The following KYAT3 variants were observed in gnomAD, a reference collection of about 807,000 sequenced individuals.
KYAT3 encodes the protein kynurenine--oxoglutarate transaminase 3.
In KYAT3, 50 loss-of-function variants were observed where a neutral mutation model predicts 59.0. The observed-to-expected ratio is 0.85, with a 90% CI of 0.68 to 1.07. The LOEUF (loss-of-function observed/expected upper bound fraction) is 1.07. Ranked by LOEUF, KYAT3 falls within the 50% of genes least tolerant of loss-of-function variation. The probability of loss-of-function intolerance (pLI) is 0.00; values close to 1 mark genes in which losing one functional copy is unlikely to be tolerated. For synonymous variants in KYAT3, 148 were observed against 177.0 expected, an observed-to-expected ratio of 0.84 and a Z score of 1.30; for missense variants, 497 against 533.3, an observed-to-expected ratio of 0.93 and a Z score of 0.67.
chr1:88,974,469 C>CTTTTT (rs71084932), intron 2 of KYAT3, among the ~76,000 whole-genome samples: 48 of 69,668 alleles, frequency 6.9e-4, no homozygotes, highest in Non-Finnish European at 9.9e-4. Context: ...GTGTCTCTCT[C>CTTTTT]TTTTTTTTTT....
In KYAT3 at chr1:88,949,074, T is replaced by TA. The variant is rs1675562706; in HGVS notation, c.1141+16dup. The TA allele has an allele frequency of 6.6e-7, 1 of 1,507,734 alleles. No individual in the cohort carries two copies. The highest frequency in any genetic ancestry group is 8.8e-7 in the Non-Finnish European group (1 of 1,133,486). 93.4% of individuals were successfully genotyped at this position (1,507,734 alleles called of 1,614,324 possible). On this transcript the variant is annotated intron_variant, in intron 11 of 13. Transcript: ENST00000260508. ...ATAAGTTTCCGTATAGTTGAAATAA[T>TA]AAAAGCCTTTACAAACCTAGCAAAG... is the stretch of plus-strand genomic sequence containing the variant.
chr1:88,925,392 C>T, the KYAT3 span, among the ~76,000 whole-genome samples: 1 of 152,206 alleles, frequency 6.6e-6, no homozygotes, highest in African/African-American at 2.4e-5. Flanking sequence ...AATCTGCTTC[C>T]TCTGATCCCT....
rs370547048 is a variant in KYAT3, at chr1:88,937,009, T to C, written c.1303-764A>G. ...AGCAGGCTGGTCAGCATGGGTGTCA[T>C]GAGGTGATAGTGCTGGCTGGAACAG... On this transcript the variant is annotated intron_variant, in intron 13 of 13. Transcript: ENST00000260508. 1.3e-4 allele frequency among the ~76,000 whole-genome samples: 20 copies of C among 152,158 alleles called. No homozygotes were observed. In the South Asian group the frequency reaches 4.2e-3, roughly 32 times the overall value.
chr1:88,983,073 G>A (rs374309282), intron 2 of KYAT3: 25 of 1,612,318 alleles, frequency 1.6e-5, no homozygotes, highest in African/African-American at 1.3e-4. Flanking sequence ...TAGTCATCAC[G>A]TGAACTGGAA....
At chr1:88,940,784 T>C (rs967589109) in intron 13 of KYAT3, among the ~76,000 whole-genome samples, 1 of 152,220 alleles carries the variant, frequency 6.6e-6, no homozygotes, top group Non-Finnish European at 1.5e-5. Flanking sequence ...CCAGATGACA[T>C]GACTGTATGT....
chr1:88,958,118 C>T (rs1001365134), intron 8 of KYAT3, among the ~76,000 whole-genome samples: 1 of 152,094 alleles, frequency 6.6e-6, no homozygotes, highest in African/African-American at 2.4e-5. Context: ...TCCACTTGTC[C>T]CCAGATATCT....
chr1:88,985,864 A>G (rs931384122), intron 2 of KYAT3, among the ~76,000 whole-genome samples: 4 of 152,196 alleles, frequency 2.6e-5, no homozygotes, highest in Non-Finnish European at 2.9e-5. Context: ...CTAAATGTAC[A>G]AAAGGTGATA....
At chr1:88,992,353 G>C (rs1437299909) in intron 1 of KYAT3, among the ~76,000 whole-genome samples, 1 of 152,222 alleles carries the variant, frequency 6.6e-6, no homozygotes, top group Non-Finnish European at 1.5e-5. Context: ...GAGTAAAAGC[G>C]CCAAGACGGT....
chr1:88,922,796 G>T, the KYAT3 span, among the ~76,000 whole-genome samples: 3 of 152,244 alleles, frequency 2.0e-5, no homozygotes, highest in East Asian at 3.9e-4. Context: ...GTATGGAATT[G>T]ACCTCAAATT....
At chr1:88,988,532 C>A (rs1570856143) in intron 1 of KYAT3, among the ~76,000 whole-genome samples, 181 bp from the exon 2 acceptor site, 2 of 152,260 alleles carry the variant, frequency 1.3e-5, no homozygotes, top group South Asian at 4.1e-4. Flanking sequence ...TCACTGGAGG[C>A]ATTCTAATAA....
intron 2 of KYAT3, among the ~76,000 whole-genome samples, chr1:88,977,663 A>G (rs1252966454): frequency 6.6e-6 from 1 of 152,238 alleles, no homozygotes; most frequent in East Asian, 1.9e-4. Context: ...TAAATTTAGT[A>G]TAGCATAAGT....
At chr1:88,945,692 A>G (rs1223770258) in intron 11 of KYAT3, among the ~76,000 whole-genome samples, 1 of 152,188 alleles carries the variant, frequency 6.6e-6, no homozygotes, top group East Asian at 1.9e-4. Flanking sequence ...ATTTTCATGA[A>G]TATTATGGTT....
chr1:88,981,292 C>T (rs533600538), intron 2 of KYAT3: 1 of 152,312 alleles, frequency 6.6e-6, no homozygotes, highest in African/African-American at 2.4e-5. Context: ...GACACTTCAC[C>T]AGATAGAGCT....
chr1:88,977,231 C>T (rs577172135), intron 2 of KYAT3, among the ~76,000 whole-genome samples: 3 of 151,708 alleles, frequency 2.0e-5, no homozygotes, highest in East Asian at 1.9e-4. Context: ...GACGACGTTT[C>T]GCTCTTGTTG....
intron 8 of KYAT3, among the ~76,000 whole-genome samples, chr1:88,956,150 G>A (rs1299486891): frequency 6.6e-6 from 1 of 152,132 alleles, no homozygotes; most frequent in African/African-American, 2.4e-5. Flanking sequence ...ATACTAGACA[G>A]CACTTCAGCA....
chr1:88,992,392 A>T (rs1677860151), intron 1 of KYAT3, among the ~76,000 whole-genome samples, 193 bp downstream of exon 1: 1 of 152,230 alleles, frequency 6.6e-6, no homozygotes, highest in African/African-American at 2.4e-5. Context: ...TCCCCCCTGG[A>T]GGCCAGTCAC....
chr1:88,925,282 C>T, the KYAT3 span, among the ~76,000 whole-genome samples: 2 of 152,220 alleles, frequency 1.3e-5, no homozygotes, highest in African/African-American at 2.4e-5. Flanking sequence ...TCTCTACAGT[C>T]GCCCATGCGT....
intron 13 of KYAT3, among the ~76,000 whole-genome samples, chr1:88,938,881 C>A (rs1029393817): frequency 1.3e-5 from 2 of 152,182 alleles, no homozygotes; most frequent in Non-Finnish European, 2.9e-5. Flanking sequence ...TTTGCTATTA[C>A]AAATGATGCC....
downstream of KYAT3, among the ~76,000 whole-genome samples, chr1:88,933,174 T>C (rs1298086944): frequency 6.6e-6 from 1 of 152,202 alleles, no homozygotes; most frequent in African/African-American, 2.4e-5. Context: ...CTCTAGTTCT[T>C]TTCTTCATAC....
Sources: gnomAD v4.1 joint callset for allele counts (sites outside exome capture counted in the v4.1 genomes callset) on GRCh38, gnomAD v4.1.1 for gene constraint, MANE v1.5 for transcripts, NCBI Gene and HGNC (gene_info 2026-07-23, HGNC 2026-07-21) for gene names.